Variants in TTBK2 observed in about 807,000 individuals in gnomAD.
TTBK2 encodes tau-tubulin kinase 2.
Under a neutral mutation model 110.8 loss-of-function variants are expected in TTBK2, and 28 were observed. That is an observed-to-expected ratio of 0.25 (90% CI 0.19 to 0.35). TTBK2 has a LOEUF of 0.35. Ranked by LOEUF, TTBK2 falls within the 10% of genes least tolerant of loss-of-function variation. The pLI, the probability that TTBK2 is intolerant of heterozygous loss-of-function variation, is 1.00. For missense variants in TTBK2, 1,369 were observed against 1,500.3 expected, an observed-to-expected ratio of 0.91 and a Z score of 1.45; for synonymous variants, 532 against 527.3, an observed-to-expected ratio of 1.01 and a Z score of -0.12.
At chr15:42,852,675 G>C (rs927720765) in intron 3 of TTBK2, among the ~76,000 whole-genome samples, 1 of 152,128 alleles carries the variant, frequency 6.6e-6, no homozygotes, top group African/African-American at 2.4e-5. Context: ...CTAAATGAAA[G>C]CAGAGTAATG....
At chr15:42,917,044 G>A (rs2031118215) in intron 1 of TTBK2, among the ~76,000 whole-genome samples, 1 of 152,094 alleles carries the variant, frequency 6.6e-6, no homozygotes, top group Non-Finnish European at 1.5e-5. Context: ...ACCAAAGGAA[G>A]CTAAGAAGCT....
In TTBK2 at chr15:42,777,243, C is replaced by G. The variant is rs1889970551; in HGVS notation, c.1198-1G>C. The G allele has an allele frequency of 6.2e-7, 1 of 1,613,862 alleles. No homozygotes were observed. Among genetic ancestry groups the G allele is most frequent in the Admixed American group, 1.7e-5 (1 of 59,970 alleles). ...GGCTGTTCTCCTCTTCAGTAGCAGC[C>G]TATCCAAAATATAAAATAAAATCAT... On this transcript the variant is annotated splice_acceptor_variant, in intron 11 of 14. Coordinates refer to ENST00000267890, the MANE Select transcript of TTBK2 (RefSeq NM_173500.4). LOFTEE classifies it high-confidence loss of function.
At position 42,861,608 on chromosome 15, in the gene TTBK2, G is replaced by GTTTGTAGCAC. The variant is rs534423698; in HGVS notation, c.217+10993_217+11002dup. 1.9e-3 allele frequency among the ~76,000 whole-genome samples: 292 copies of GTTTGTAGCAC among 152,150 alleles called. 2 individuals are homozygous for GTTTGTAGCAC. Among genetic ancestry groups the GTTTGTAGCAC allele is most frequent in the African/African-American group, 6.6e-3 (273 of 41,520 alleles). On this transcript the variant is annotated intron_variant, in intron 3 of 14. Transcript: ENST00000267890. ...CAGTTAAAGCAATGTTAAGAGGAAAGTTTGTAGCACTAAATGCCTTTATCA... is the reference window on the plus strand; with the variant it reads ...CAGTTAAAGCAATGTTAAGAGGAAAGTTTGTAGCACTTTGTAGCACTAAATGCCTTTATCA...
At chr15:42,830,177 C>A (rs1453337481) in intron 4 of TTBK2, 99 bp from the exon 5 acceptor site, 94 of 1,432,544 alleles carry the variant, frequency 6.6e-5, no homozygotes, top group South Asian at 2.4e-4. Flanking sequence ...ATGTTTTCAG[C>A]AAAATAGCAA....
rs111655822 is a variant in TTBK2 at position 42,916,882 on chromosome 15, T to C, written c.-68+3556A>G. ...AAAAAGACAAATATAAAAATATTAA[T>C]TATAAAACCATTTTGGTAAAAACAT... On this transcript the variant is annotated intron_variant, in intron 1 of 14. Transcript: ENST00000267890. Among the ~76,000 whole-genome samples the C allele has an allele frequency of 1.1e-4, 16 of 152,308 alleles. 2 individuals are homozygous for C. Among genetic ancestry groups the C allele is most frequent in the African/African-American group, 3.8e-4 (16 of 41,572 alleles).
At chr15:42,786,168 A>C (rs1168081236) in intron 10 of TTBK2, among the ~76,000 whole-genome samples, 1 of 152,358 alleles carries the variant, frequency 6.6e-6, no homozygotes, top group Non-Finnish European at 1.5e-5. Context: ...GTAAAGTAGT[A>C]TCTGTAGTTC....
chr15:42,878,748 T>C, intron 1 of TTBK2, 64 bp from the exon 2 acceptor site: 6 of 1,554,090 alleles, frequency 3.9e-6, no homozygotes, highest in South Asian at 1.2e-5. Context: ...ACAAATAACA[T>C]TCCAGCATCA....
intron 13 of TTBK2, among the ~76,000 whole-genome samples, chr15:42,756,795 G>A (rs1208883610): frequency 6.6e-6 from 1 of 151,970 alleles, no homozygotes; most frequent in Admixed American, 6.6e-5. Flanking sequence ...CTACTCAAGA[G>A]GCTGAGGCAG....
At chr15:42,847,617 C>T (rs1482392241) in intron 3 of TTBK2, among the ~76,000 whole-genome samples, 4 of 152,116 alleles carry the variant, frequency 2.6e-5, no homozygotes, top group African/African-American at 7.2e-5. Context: ...GTAGTTTAGG[C>T]GGAGGTTCAT....
intron 3 of TTBK2, among the ~76,000 whole-genome samples, chr15:42,854,064 T>C (rs1210655433): frequency 1.3e-5 from 2 of 151,984 alleles, no homozygotes; most frequent in Non-Finnish European, 2.9e-5. Context: ...GCCTCTCAAG[T>C]AGCTGGGTCC....
At position 42,783,558 on chromosome 15, in the gene TTBK2, C is replaced by T; in HGVS notation, c.1058G>A (p.Ser353Asn). Residue 353 changes from serine (S) to asparagine (N), a missense_variant, in exon 11 of 15, where the codon AGC becomes AAC. Physicochemically the swap from Ser to Asn is conservative, Grantham distance 46. Coordinates refer to ENST00000267890, the MANE Select transcript of TTBK2 (RefSeq NM_173500.4). ...AACAGGGATGCCATTTTCTCCATCGCTAAGCTGTTCATCTGGAAATACCTC... is the reference window on the plus strand; with the variant it reads ...AACAGGGATGCCATTTTCTCCATCGTTAAGCTGTTCATCTGGAAATACCTC... The part of the protein sequence containing the change: ...TDEVFPDEQL[S>N]DGENGIPVGV... 9.3e-6 allele frequency: 15 copies of T among 1,614,026 alleles called. No individual in the cohort carries two copies. Among genetic ancestry groups the T allele is most frequent in the Non-Finnish European group, 1.2e-5 (14 of 1,180,022 alleles).
chr15:42,847,280 G>A (rs1893508303), intron 3 of TTBK2, among the ~76,000 whole-genome samples: 1 of 152,070 alleles, frequency 6.6e-6, no homozygotes, highest in East Asian at 1.9e-4. Flanking sequence ...TTAATTGTTT[G>A]TTTTCTTATT....
chr15:42,783,616 T>C lies in TTBK2; in HGVS notation c.1000A>G (p.Ile334Val). The change falls in exon 11 of 15, where the codon ATC becomes GTC. Residue 334 changes from isoleucine (I) to valine (V), a missense_variant. Transcript: ENST00000267890. The stretch of plus-strand genomic sequence containing the variant: ...TTTTCTCGAAGCAAGTCTCCAGGGA[T>C]GGGAGTAGCATTGGCAATTCTACAT... ...AAIGIANATP[I>V]PGDLLRENTD... is the part of the protein sequence containing the mutation. 3 of 1,613,848 alleles carry C rather than the reference T, an allele frequency of 1.9e-6. No individual in the cohort carries two copies. The highest frequency in any genetic ancestry group is 2.5e-6 in the Non-Finnish European group (3 of 1,179,974).
chr15:42,854,025 T>G (rs1893830593), intron 3 of TTBK2, among the ~76,000 whole-genome samples: 1 of 152,202 alleles, frequency 6.6e-6, no homozygotes, highest in Non-Finnish European at 1.5e-5. Flanking sequence ...AGCCTTGATC[T>G]CCTGGGCTCA....
At chr15:42,872,369 T>A (rs970238950) in intron 3 of TTBK2, among the ~76,000 whole-genome samples, 16 of 152,132 alleles carry the variant, frequency 1.1e-4, no homozygotes, top group Non-Finnish European at 1.5e-4. Flanking sequence ...TAATTCACAC[T>A]CTCTTATCCT....
At chr15:42,856,556 T>C (rs1244178023) in intron 3 of TTBK2, among the ~76,000 whole-genome samples, 4 of 152,168 alleles carry the variant, frequency 2.6e-5, no homozygotes, top group Non-Finnish European at 5.9e-5. Context: ...TGAGATGGTA[T>C]TGTAAAATAA....
chr15:42,752,826 C>G lies in TTBK2; in HGVS notation c.2420G>C (p.Gly807Ala). 6.2e-7 allele frequency: 1 copy of G among 1,614,172 alleles called. No individual in the cohort carries two copies. The highest frequency in any genetic ancestry group is 8.5e-7 in the Non-Finnish European group (1 of 1,180,028). Reference sequence around the variant, plus strand: ...ATCCTTTTCCACAATTACCAAATCTCCTGGGAGAGAGGAGATCTCAATACA... The same window carrying G: ...ATCCTTTTCCACAATTACCAAATCTGCTGGGAGAGAGGAGATCTCAATACA... ...QHCIEISSLP[G>A]DLVIVEKDHS... is the part of the protein sequence containing the mutation. Residue 807 changes from glycine to alanine, a missense_variant, in exon 14 of 15, where the codon GGA (glycine) becomes GCA (alanine). Around this residue, in one of 4 missense-constraint regions of TTBK2, gnomAD observed 1,097 missense variants for 1,114.7 expected, o/e 0.98. Coordinates refer to ENST00000267890, the MANE Select transcript of TTBK2 (RefSeq NM_173500.4).
chr15:42,882,064 A>G (rs1329578783), intron 1 of TTBK2, among the ~76,000 whole-genome samples: 1 of 152,126 alleles, frequency 6.6e-6, no homozygotes, highest in Non-Finnish European at 1.5e-5. Context: ...GACTAGTGGG[A>G]CAATACCAAA....
intron 6 of TTBK2, among the ~76,000 whole-genome samples, chr15:42,824,049 G>A (rs1286045410): frequency 1.3e-5 from 2 of 152,054 alleles, no homozygotes; most frequent in East Asian, 1.9e-4. Context: ...CAAGAAGGTG[G>A]GGGAAGGTGC....
Sources: gnomAD v4.1 joint callset for allele counts (sites outside exome capture counted in the v4.1 genomes callset) on GRCh38, gnomAD v4.1.1 for gene constraint, gnomAD v4.1.1 regional missense constraint, MANE v1.5 for transcripts, NCBI Gene and HGNC (gene_info 2026-07-23, HGNC 2026-07-21) for gene names.